GPAT3: variants seen among roughly 807,000 people sequenced by gnomAD.
GPAT3 encodes glycerol-3-phosphate acyltransferase 3.
Under a neutral mutation model 58.8 loss-of-function variants are expected in GPAT3, and 53 were observed. The ratio of observed to expected loss-of-function variants is 0.90; its 90% CI spans 0.72 to 1.13. GPAT3 has a LOEUF of 1.13. Ranked by LOEUF, GPAT3 falls within the 50% of genes most tolerant of loss-of-function variation. GPAT3 has a pLI of 0.00. For synonymous variants in GPAT3, 197 were observed against 187.4 expected (o/e 1.05, Z -0.42); for missense variants, 511 against 527.6 (o/e 0.97, Z 0.31).
intron 3 of GPAT3, among the ~76,000 whole-genome samples, chr4:83,582,123 A>G (rs1489959272): frequency 4.0e-5 from 6 of 151,772 alleles, no homozygotes; most frequent in African/African-American, 1.5e-4. Context: ...GAAGTGAAGA[A>G]GAAGAAGAGG....
intron 5 of GPAT3, among the ~76,000 whole-genome samples, 199 bp from the exon 6 acceptor site, chr4:83,590,000 G>C (rs1726533619): frequency 6.6e-6 from 1 of 152,198 alleles, no homozygotes; most frequent in South Asian, 2.1e-4. Flanking sequence ...GCTGAGGCAG[G>C]AGAATTGCTT....
rs1726999567 is a variant in GPAT3, at chr4:83,600,084, A to C, written c.1205+1361A>C. Among the ~76,000 whole-genome samples, 3 of 152,148 alleles carry C rather than the reference A, an allele frequency of 2.0e-5. No individual in the cohort carries two copies. The South Asian group carries it at 6.2e-4, about 32-fold the overall frequency. On this transcript the variant is annotated intron_variant, in intron 11 of 11. Coordinates refer to ENST00000264409, the MANE Select transcript of GPAT3 (RefSeq NM_032717.5). ...ACCATGGAAAGCAAAACCTTGGATA[A>C]GGGGGGAGTTACTGTACCACAGACT...
At position 83,536,779 on chromosome 4, in the gene GPAT3, G is replaced by C; in HGVS notation, c.141+16G>C. 6.3e-7 allele frequency: 1 copy of C among 1,598,000 alleles called. No homozygotes were observed. Among genetic ancestry groups the C allele is most frequent in the Non-Finnish European group, 8.5e-7 (1 of 1,172,756 alleles). On this transcript the variant is annotated intron_variant, in intron 1 of 11. Coordinates refer to ENST00000264409, the MANE Select transcript of GPAT3 (RefSeq NM_032717.5). ...AACTTTAGAGGTGAGTGCCGGGAGG[G>C]ATGCAGCCAGCCCCACACCGCTGCG...
chr4:83,555,358 A>G (rs1478904182), intron 2 of GPAT3, among the ~76,000 whole-genome samples: 1 of 152,186 alleles, frequency 6.6e-6, no homozygotes, highest in Non-Finnish European at 1.5e-5. Flanking sequence ...GCTCCCCTCC[A>G]TATTGCTCCC....
chr4:83,558,197 C>T (rs192740085), intron 2 of GPAT3, among the ~76,000 whole-genome samples: 53 of 151,416 alleles, frequency 3.5e-4, no homozygotes, highest in Admixed American at 3.4e-3. Context: ...CTAGGCGACA[C>T]AGCAAGCCTC....
intron 9 of GPAT3, 117 bp from the exon 10 acceptor site, chr4:83,597,934 T>G: frequency 1.6e-6 from 2 of 1,219,914 alleles, no homozygotes; most frequent in Non-Finnish European, 2.3e-6. Context: ...TCAAGTGAAA[T>G]AACTTTTTTT....
At chr4:83,562,707 G>A (rs1725222790) in intron 2 of GPAT3, among the ~76,000 whole-genome samples, 1 of 151,986 alleles carries the variant, frequency 6.6e-6, no homozygotes, top group African/African-American at 2.4e-5. Flanking sequence ...TAGAAAAAGG[G>A]CAGGAAGAGA....
intron 2 of GPAT3, among the ~76,000 whole-genome samples, chr4:83,570,935 T>C (rs1326460756): frequency 6.6e-6 from 1 of 152,228 alleles, no homozygotes; most frequent in Non-Finnish European, 1.5e-5. Context: ...ACATTTATGA[T>C]CTCAAAGTTC....
intron 2 of GPAT3, among the ~76,000 whole-genome samples, chr4:83,579,149 C>CTCTCTCTT (rs547032708): frequency 1.1e-5 from 1 of 93,072 alleles, no homozygotes; most frequent in African/African-American, 3.1e-5. Flanking sequence ...CTCCCTCCCT[C>CTCTCTCTT]TCTCTCTTTC....
intron 11 of GPAT3, among the ~76,000 whole-genome samples, chr4:83,601,914 T>C (rs1727069082): frequency 6.6e-6 from 1 of 152,230 alleles, no homozygotes; most frequent in Non-Finnish European, 1.5e-5. Flanking sequence ...GTAAGAGTTC[T>C]TGACTAACAA....
chr4:83,582,477 G>T (rs1479905933), intron 3 of GPAT3, among the ~76,000 whole-genome samples: 1 of 152,186 alleles, frequency 6.6e-6, no homozygotes, highest in Non-Finnish European at 1.5e-5. Flanking sequence ...GGCACTGCGT[G>T]GTGGGATGAA....
At position 83,579,061 on chromosome 4, in the gene GPAT3, T is replaced by TC. The variant is rs1276079346; in HGVS notation, c.209-2500dup. On this transcript the variant is annotated intron_variant, in intron 2 of 11. Transcript: ENST00000264409. ...TTCTTTCTTTCTTTCTTTCTTTCTT[T>TC]CTTTCTTTCTTTCTTTCTTCCCTTC... Among the ~76,000 whole-genome samples the TC allele has an allele frequency of 5.5e-4, 24 of 43,464 alleles. 5 individuals are homozygous for TC. The highest frequency in any genetic ancestry group is 8.7e-4 in the Non-Finnish European group (19 of 21,762). 28.5% of individuals were successfully genotyped at this position (43,464 alleles called of 152,430 possible).
At position 83,585,716 on chromosome 4, in the gene GPAT3, G is replaced by A. The variant is rs150756164; in HGVS notation, c.480-1539G>A. ...CAACCCCTGCCTCCTGGGTTCAAGC[G>A]GTTCTCGTTACAGGGATGTGTCACC... is the stretch of plus-strand genomic sequence containing the variant. On this transcript the variant is annotated intron_variant, in intron 3 of 11. Coordinates refer to ENST00000264409, the MANE Select transcript of GPAT3 (RefSeq NM_032717.5). 5.0e-3 allele frequency among the ~76,000 whole-genome samples: 752 copies of A among 151,714 alleles called. 6 individuals carry two copies. Among genetic ancestry groups the A allele is most frequent in the African/African-American group, 0.017 (710 of 41,344 alleles).
chr4:83,599,187 G>A (rs1726965760), intron 11 of GPAT3, among the ~76,000 whole-genome samples: 1 of 152,080 alleles, frequency 6.6e-6, no homozygotes, highest in South Asian at 2.1e-4. Context: ...TATAACAATG[G>A]CTTAAGTAAG....
chr4:83,552,112 T>G (rs1000857270), intron 2 of GPAT3, among the ~76,000 whole-genome samples: 2 of 152,174 alleles, frequency 1.3e-5, no homozygotes, highest in African/African-American at 4.8e-5. Flanking sequence ...CTGAAACCTA[T>G]GGAACAAAGG....
At chr4:83,551,405 A>G (rs577833645) in intron 2 of GPAT3, among the ~76,000 whole-genome samples, 1 of 152,300 alleles carries the variant, frequency 6.6e-6, no homozygotes, top group South Asian at 2.1e-4. Context: ...ACTATAGGGC[A>G]GTATATTGCG....
chr4:83,569,544 ATGTC>A (rs139073605), intron 2 of GPAT3, among the ~76,000 whole-genome samples: 26,794 of 152,232 alleles, frequency 0.18, 2,954 homozygotes, highest in East Asian at 0.31. Context: ...AACCTTGACT[ATGTC>A]ATCTGTGAGA....
intron 5 of GPAT3, 133 bp from the exon 6 acceptor site, chr4:83,590,066 C>G (rs1726536823): frequency 1.4e-6 from 1 of 693,112 alleles, no homozygotes; most frequent in African/African-American, 1.9e-5. Context: ...GCACTCCAGC[C>G]TGGGCAACAG....
chr4:83,598,828 G>T, intron 11 of GPAT3, 105 bp downstream of exon 11: 1 of 767,610 alleles, frequency 1.3e-6, no homozygotes. Context: ...GAGTGCAGTA[G>T]CATGATCATA....
Sources: gnomAD v4.1 joint callset for allele counts (sites outside exome capture counted in the v4.1 genomes callset) on GRCh38, gnomAD v4.1.1 for gene constraint, MANE v1.5 for transcripts, NCBI Gene and HGNC (gene_info 2026-07-23, HGNC 2026-07-21) for gene names.